IMMP2L: variants seen among roughly 807,000 people sequenced by gnomAD.
The protein encoded by IMMP2L is mitochondrial inner membrane protease subunit 2.
IMMP2L carries 18 observed loss-of-function variants against 19.3 expected under a neutral mutation model. The ratio of observed to expected loss-of-function variants is 0.93; its 90% CI spans 0.64 to 1.38. IMMP2L has a LOEUF of 1.38. IMMP2L is among the 40% of genes most tolerant of loss of function. The pLI is 0.00. For synonymous variants in IMMP2L, 76 were observed against 73.0 expected, an observed-to-expected ratio of 1.04 and a Z score of -0.21; for missense variants, 233 against 218.2, an observed-to-expected ratio of 1.07 and a Z score of -0.43.
intron 3 of IMMP2L, among the ~76,000 whole-genome samples, chr7:111,065,649 G>A (rs576506974): frequency 9.2e-5 from 14 of 152,306 alleles, no homozygotes; most frequent in Non-Finnish European, 1.9e-4. Flanking sequence ...AGGCTAGACT[G>A]GCTTAGCCTC....
chr7:111,301,987 C>G (rs993973068), intron 3 of IMMP2L, among the ~76,000 whole-genome samples: 1 of 141,890 alleles, frequency 7.0e-6, no homozygotes, highest in Non-Finnish European at 1.5e-5. Context: ...GAATGATATC[C>G]TGACTCCTTA....
Position 111,123,123 on chromosome 7 carries a change from G to T in IMMP2L, c.240-159558C>A. 14 of 1,613,724 alleles carry T rather than the reference G, an allele frequency of 8.7e-6. No homozygotes were observed. Among genetic ancestry groups the T allele is most frequent in the Non-Finnish European group, 1.2e-5 (14 of 1,179,870 alleles). On this transcript the variant is annotated intron_variant, in intron 3 of 5. Coordinates refer to ENST00000405709, the MANE Select transcript of IMMP2L (RefSeq NM_032549.4). The surrounding 1 kb of genome is among the most constrained non-coding windows in gnomAD (Gnocchi z 6.4). ...ATATTAATGTAAAAAAGATGCCTCA[G>T]CTCCTTTCTGTGTACCTAGAGGAAA...
chr7:111,466,404 T>C (rs530750988), intron 3 of IMMP2L, among the ~76,000 whole-genome samples: 3 of 152,230 alleles, frequency 2.0e-5, no homozygotes, highest in East Asian at 1.9e-4. Flanking sequence ...GGAGAGAACA[T>C]GGGAAAAGAA....
chr7:111,090,929 A>G (rs555325466), intron 3 of IMMP2L: 2 of 152,318 alleles, frequency 1.3e-5, no homozygotes, highest in South Asian at 4.1e-4. Context: ...AAGAAGGAAA[A>G]TGATACCTAG....
chr7:110,918,485 C>G (rs1245250637), intron 4 of IMMP2L, among the ~76,000 whole-genome samples: 12 of 119,702 alleles, frequency 1.0e-4, no homozygotes, highest in Admixed American at 3.7e-4. Flanking sequence ...AATGGAGTTT[C>G]ACTCTTGTTG....
intron 5 of IMMP2L, among the ~76,000 whole-genome samples, chr7:110,854,755 G>A (rs1806576263): frequency 1.3e-5 from 2 of 151,844 alleles, no homozygotes; most frequent in Non-Finnish European, 2.9e-5. Context: ...TCACCATCTT[G>A]AAATAAAATA....
intron 3 of IMMP2L, among the ~76,000 whole-genome samples, chr7:111,116,025 T>G (rs1173973751): frequency 1.3e-5 from 2 of 152,114 alleles, no homozygotes; most frequent in African/African-American, 4.8e-5. Context: ...AAGCCTCAAT[T>G]CTAAAAACAA....
intron 4 of IMMP2L, among the ~76,000 whole-genome samples, chr7:110,932,105 T>A (rs569832283): frequency 1.3e-5 from 2 of 152,250 alleles, no homozygotes; most frequent in South Asian, 4.1e-4. Flanking sequence ...TATTTATTTA[T>A]GTGTGTGGTC....
chr7:111,168,524 T>G (rs528883744), intron 3 of IMMP2L, among the ~76,000 whole-genome samples: 20 of 152,062 alleles, frequency 1.3e-4, no homozygotes, highest in Admixed American at 3.3e-4. Context: ...TTATATTTTT[T>G]GGGGGCAAAT....
chr7:111,014,650 G>A (rs1441048335), intron 3 of IMMP2L, among the ~76,000 whole-genome samples: 1 of 151,842 alleles, frequency 6.6e-6, no homozygotes, highest in Non-Finnish European at 1.5e-5. Context: ...GTAATCTATG[G>A]AATGGGAAAA....
chr7:110,701,763 CTAGAT>C, intron 5 of IMMP2L, among the ~76,000 whole-genome samples: 1 of 152,044 alleles, frequency 6.6e-6, no homozygotes, highest in East Asian at 1.9e-4. Context: ...AGATGAGAAA[CTAGAT>C]TAAAGACACT....
intron 3 of IMMP2L, among the ~76,000 whole-genome samples, chr7:111,229,441 T>A (rs1187452662): frequency 6.6e-6 from 1 of 152,018 alleles, no homozygotes; most frequent in Non-Finnish European, 1.5e-5. Flanking sequence ...TCAAGGTAAT[T>A]GCTTTTCCTT....
intron 1 of IMMP2L, among the ~76,000 whole-genome samples, chr7:111,531,402 C>T (rs553943144): frequency 2.0e-5 from 3 of 152,012 alleles, no homozygotes; most frequent in Non-Finnish European, 4.4e-5. Context: ...CTGGCTCAGG[C>T]CATCCTAATC....
intron 3 of IMMP2L, among the ~76,000 whole-genome samples, chr7:111,159,288 G>A (rs886210653): frequency 6.6e-6 from 1 of 151,982 alleles, no homozygotes; most frequent in Admixed American, 6.6e-5. Flanking sequence ...GCTAATTTTT[G>A]TATTTTTAGT....
At position 111,345,911 on chromosome 7, in the gene IMMP2L, T is replaced by G. The variant is rs149473743; in HGVS notation, c.239+141327A>C. ...CTTAGAGCCAAGAGAATAAACTGAA[T>G]TCATCTTCCACATCTCCACAAATAC... On this transcript the variant is annotated intron_variant, in intron 3 of 5. Coordinates refer to ENST00000405709, the MANE Select transcript of IMMP2L (RefSeq NM_032549.4). Among the ~76,000 whole-genome samples the G allele has an allele frequency of 7.9e-5, 12 of 152,294 alleles. No individual in the cohort carries two copies. In the East Asian group the frequency reaches 2.1e-3, roughly 27 times the overall value.
At chr7:111,182,200 G>T (rs1807788961) in intron 3 of IMMP2L, among the ~76,000 whole-genome samples, 1 of 151,864 alleles carries the variant, frequency 6.6e-6, no homozygotes, top group African/African-American at 2.4e-5. Flanking sequence ...AACATCATCA[G>T]GACTCAATGG....
intron 3 of IMMP2L, among the ~76,000 whole-genome samples, chr7:111,184,425 C>T (rs142357872): frequency 6.6e-6 from 1 of 152,056 alleles, no homozygotes; most frequent in Non-Finnish European, 1.5e-5. Context: ...AATTTGAAGT[C>T]AGTGACAATT....
intron 4 of IMMP2L, among the ~76,000 whole-genome samples, chr7:110,942,738 A>G (rs1159669020): frequency 1.3e-5 from 2 of 151,940 alleles, no homozygotes; most frequent in Non-Finnish European, 1.5e-5. Context: ...AATGTCAGAT[A>G]GAGAAAATGA....
Position 110,862,796 on chromosome 7 carries a change from A to G in IMMP2L, c.408+23797T>C, listed in dbSNP as rs534093367. Among the ~76,000 whole-genome samples, 17 of 152,200 alleles carry G rather than the reference A, an allele frequency of 1.1e-4. No homozygotes were observed. In the South Asian group the frequency reaches 3.5e-3, roughly 32 times the overall value. ...ATTTTAGACTTTCAAGGACATTTGT[A>G]CAGCGAACAGCCTTGGAAGATAAAG... On this transcript the variant is annotated intron_variant, in intron 5 of 5. Coordinates refer to ENST00000405709, the MANE Select transcript of IMMP2L (RefSeq NM_032549.4).
Sources: gnomAD v4.1 joint callset for allele counts (sites outside exome capture counted in the v4.1 genomes callset) on GRCh38, gnomAD v4.1.1 for gene constraint, Gnocchi (gnomAD v3.1) non-coding constraint, MANE v1.5 for transcripts, NCBI Gene and HGNC (gene_info 2026-07-23, HGNC 2026-07-21) for gene names.